TTI2: variants seen among roughly 807,000 people sequenced by gnomAD.
TTI2 encodes the protein TELO2 interacting protein 2, also known as TELO2-interacting protein 2.
Under a neutral mutation model 44.9 loss-of-function variants are expected in TTI2, and 26 were observed. That is an observed-to-expected ratio of 0.58 (90% CI 0.42 to 0.80). TTI2 has a LOEUF of 0.80. Ranked by LOEUF, TTI2 falls within the 30% of genes least tolerant of loss-of-function variation. The pLI is 0.00. For missense variants in TTI2, 582 were observed against 611.6 expected (o/e 0.95, Z 0.51); for synonymous variants, 254 against 250.9 (o/e 1.01, Z -0.12).
chr8:33,504,289 A>ATTTTTTTTTTT lies in TTI2; in HGVS notation c.928-365_928-355dup, dbSNP rs1169577360. ...ACTTAGTGATACATGATATTTACAC[A>ATTTTTTTTTTT]TTTTTTTTTTTTTTTTTTTTTTTTT... On this transcript the variant is annotated intron_variant, in intron 4 of 7. Transcript: ENST00000431156. 8.4e-4 allele frequency among the ~76,000 whole-genome samples: 61 copies of ATTTTTTTTTTT among 72,994 alleles called. 6 individuals carry two copies. Among genetic ancestry groups the ATTTTTTTTTTT allele is most frequent in the Admixed American group, 1.8e-3 (8 of 4,506 alleles). The allele number at this position is 72,994 out of a possible 152,430, so 47.9% of individuals were successfully genotyped here.
intron 6 of TTI2, chr8:33,500,779 G>A (rs561013110): frequency 3.0e-6 from 1 of 328,452 alleles, no homozygotes; most frequent in East Asian, 6.8e-5. Flanking sequence ...CATGGGCTGA[G>A]AAGGGGAAAC....
chr8:33,503,328 C>T (rs1809169558), intron 6 of TTI2, 101 bp downstream of exon 6: 1 of 1,508,844 alleles, frequency 6.6e-7, no homozygotes. Context: ...TATTCAAATA[C>T]ATAGTATACA....
Position 33,512,249 on chromosome 8 carries a change from TTAAGAAACAGTA to T in TTI2, c.353_364del (p.Leu118_Lys122delinsTer). 3 of 1,614,150 alleles carry T rather than the reference TTAAGAAACAGTA, an allele frequency of 1.9e-6. No homozygotes were observed. Among genetic ancestry groups the T allele is most frequent in the Non-Finnish European group, 2.5e-6 (3 of 1,180,032 alleles). ...AGCAGTCTCAACTTTCCCTAACAGT[TTAAGAAACAGTA>T]ACCCAACTTGGGCTGCTTTCTCGGC... is the stretch of plus-strand genomic sequence containing the variant. On this transcript the variant is annotated stop_gained and inframe_deletion, in exon 2 of 8. Transcript: ENST00000431156. LOFTEE classifies it high-confidence loss of function.
chr8:33,506,821 T>C (rs1445831649), intron 4 of TTI2, among the ~76,000 whole-genome samples: 1 of 151,856 alleles, frequency 6.6e-6, no homozygotes, highest in Non-Finnish European at 1.5e-5. Context: ...GCCTCCTGAG[T>C]AGTAGGGACT....
At chr8:33,509,468 A>G (rs1809436646) in intron 3 of TTI2, among the ~76,000 whole-genome samples, 1 of 146,924 alleles carries the variant, frequency 6.8e-6, no homozygotes, top group East Asian at 2.0e-4. Context: ...AAAAAAAAAA[A>G]AAAAAAAAGA....
At position 33,512,033 on chromosome 8, in the gene TTI2, C is replaced by G. The variant is rs186443359; in HGVS notation, c.581G>C (p.Gly194Ala). ...TCTCCCTTTCTCATCTTCATTTTCT[C>G]CATGTAGGAATCCTGCCACAGAACC... ...ECGSVAGFLH[G>A]ENEDEKGRLS... is the part of the protein sequence containing the mutation. The change falls in exon 2 of 8, where the codon GGA (glycine) becomes GCA (alanine). Residue 194 changes from glycine (G) to alanine (A), a missense_variant. Coordinates refer to ENST00000431156, the MANE Select transcript of TTI2 (RefSeq NM_001102401.4). The G allele has an allele frequency of 4.8e-4, 776 of 1,614,148 alleles. 7 individuals are homozygous for G. In the Admixed American group the frequency reaches 0.012, roughly 25 times the overall value.
rs183405614 is a variant in TTI2, at chr8:33,512,560, G to A, written c.54C>T (p.Ser18=). The A allele has an allele frequency of 6.2e-7, 1 of 1,614,004 alleles. No homozygotes were observed. Among genetic ancestry groups the A allele is most frequent in the African/African-American group, 1.3e-5 (1 of 75,002 alleles). ...CAAAGGCGGAGTGAGACAACTCCTC[G>A]GACAAATTAGAGTCTTCCTGCGATG... ...EAPSQEDSNL[S]EELSHSAFGQ... Residue 18 remains serine (S), a synonymous_variant, in exon 2 of 8, where the codon TCC becomes TCT. Transcript: ENST00000431156.
chr8:33,508,108 A>AAAAAAAAAAAAAG (rs1809371265), intron 3 of TTI2, among the ~76,000 whole-genome samples: 1 of 142,382 alleles, frequency 7.0e-6, no homozygotes, highest in Non-Finnish European at 1.5e-5. Flanking sequence ...AAAAAAAAAA[A>AAAAAAAAAAAAAG]AAAAAAAAAA....
At chr8:33,502,881 G>A (rs1330666121) in intron 6 of TTI2, among the ~76,000 whole-genome samples, 1 of 151,250 alleles carries the variant, frequency 6.6e-6, no homozygotes, top group Non-Finnish European at 1.5e-5. Flanking sequence ...TGTAACCCCA[G>A]CACTTTGGGA....
rs1246298410 is a variant in TTI2, at chr8:33,512,362, C to G, written c.252G>C (p.Gln84His). Residue 84 changes from glutamine (Q) to histidine (H), a missense_variant, in exon 2 of 8, where the codon CAG (glutamine) becomes CAC (histidine). Transcript: ENST00000431156. ...RLRGMPETLG[Q>H]VAKALEKYAA... ...CATACTTCTCCAGGGCTTTTGCTAC[C>G]TGCCCCAGTGTCTCCGGCATTCCGC... The G allele has an allele frequency of 6.2e-6, 10 of 1,614,120 alleles. No homozygotes were observed. Among genetic ancestry groups the G allele is most frequent in the Non-Finnish European group, 7.6e-6 (9 of 1,180,060 alleles).
At chr8:33,500,818 T>C (rs1809050178) in intron 6 of TTI2, 3 of 241,378 alleles carry the variant, frequency 1.2e-5, no homozygotes, top group South Asian at 6.0e-5. Context: ...GGGCCTATAC[T>C]TTTATTTTTC....
chr8:33,499,209 C>T lies in TTI2; in HGVS notation c.1491G>A (p.Gln497=), dbSNP rs759188877. Residue 497 remains glutamine, a synonymous_variant, in exon 8 of 8, where the codon CAG becomes CAA. Transcript: ENST00000431156. ...RKVVNYIRKV[Q]QVSEGAPYNG... ...TGTAGGGTGCGCCTTCAGAAACCTG[C>T]TGCACTTTTCTGATATAGTTCACCA... The T allele has an allele frequency of 1.9e-6, 3 of 1,614,064 alleles. No homozygotes were observed. The highest frequency in any genetic ancestry group is 1.7e-5 in the Admixed American group (1 of 60,020).
chr8:33,512,733 A>C, intron 1 of TTI2, 21 bp from the exon 2 acceptor site: 2 of 1,182,778 alleles, frequency 1.7e-6, no homozygotes, highest in Non-Finnish European at 1.2e-6. Context: ...ATAAAATAAA[A>C]CAGAGAGATG....
At chr8:33,507,342 A>G (rs112092379) in intron 3 of TTI2, 21 bp from the exon 4 acceptor site, 10 of 1,607,000 alleles carry the variant, frequency 6.2e-6, no homozygotes, top group African/African-American at 5.3e-5. Context: ...ACAAATCGTC[A>G]AATTAAAAGA....
intron 6 of TTI2, among the ~76,000 whole-genome samples, 175 bp downstream of exon 6, chr8:33,503,254 A>G (rs1809166978): frequency 6.6e-6 from 1 of 152,196 alleles, no homozygotes; most frequent in African/African-American, 2.4e-5. Flanking sequence ...TAACTATAGT[A>G]TATTTTATCT....
At chr8:33,508,639 A>AAAAAAAAAG (rs1554527751) in intron 3 of TTI2, among the ~76,000 whole-genome samples, 1 of 148,168 alleles carries the variant, frequency 6.7e-6, no homozygotes, top group African/African-American at 2.5e-5. Context: ...AAAAAAAAAA[A>AAAAAAAAAG]GGGCAGGGGG....
intron 2 of TTI2, 104 bp downstream of exon 2, chr8:33,511,863 T>C: frequency 7.4e-7 from 1 of 1,347,452 alleles, no homozygotes; most frequent in Non-Finnish European, 1.0e-6. Context: ...CACTCCACCC[T>C]GGGCAACAAG....
rs62510529 is a variant in TTI2, at chr8:33,499,457, C to T, written c.1423-180G>A. 3.0e-3 allele frequency: 1,661 copies of T among 562,908 alleles called. 3 individuals carry two copies. The highest frequency in any genetic ancestry group is 4.1e-3 in the Admixed American group (133 of 32,158). 34.9% of individuals were successfully genotyped at this position (562,908 alleles called of 1,614,324 possible). A position where few individuals can be genotyped will look rare whatever the true frequency, so the allele number is the denominator to read the frequency against. On this transcript the variant is annotated intron_variant, in intron 7 of 7. Coordinates refer to ENST00000431156, the MANE Select transcript of TTI2 (RefSeq NM_001102401.4). ...TTTTATTATTTTTAAATTTATATAGCTCTCATGTATTGAAGGTGCTACTTT... is the reference window on the plus strand; with the variant it reads ...TTTTATTATTTTTAAATTTATATAGTTCTCATGTATTGAAGGTGCTACTTT...
At position 33,512,445 on chromosome 8, in the gene TTI2, C is replaced by T. The variant is rs1307893001; in HGVS notation, c.169G>A (p.Asp57Asn). The T allele has an allele frequency of 1.2e-6, 2 of 1,614,096 alleles. No homozygotes were observed. Among genetic ancestry groups the T allele is most frequent in the Non-Finnish European group, 8.5e-7 (1 of 1,179,962 alleles). The change falls in exon 2 of 8, where the codon GAT (aspartate) becomes AAT (asparagine). Residue 57 changes from aspartate (D) to asparagine (N), a missense_variant. Transcript: ENST00000431156. ...TCAAATTCTGTGGCTTCTATTAGAT[C>T]ACCGAGGTCTTTAAGAACTGCATCT... ...VKDAVLKDLG[D>N]LIEATEFDRL...
Sources: allele counts gnomAD v4.1 joint callset (sites outside exome capture counted in the v4.1 genomes callset), GRCh38; gene constraint gnomAD v4.1.1; transcripts MANE v1.5; gene names NCBI Gene and HGNC (gene_info 2026-07-23, HGNC 2026-07-21).